Variants in CASS4 observed in about 807,000 individuals in gnomAD.
CASS4 encodes the protein Cas scaffold protein family member 4.
A neutral mutation model predicts 54.2 loss-of-function variants in CASS4; 22 were observed. The observed-to-expected ratio is 0.41, with a 90% confidence interval of 0.29 to 0.58. The LOEUF (loss-of-function observed/expected upper bound fraction) is 0.58, where lower values mean the gene tolerates loss of function less well. Ranked by LOEUF, CASS4 falls within the 20% of genes least tolerant of loss-of-function variation. The pLI is 0.36. For missense variants in CASS4, 854 were observed against 986.7 expected (o/e 0.87, Z 1.80); for synonymous variants, 409 against 391.5 (o/e 1.04, Z -0.53).
At chr20:56,441,084 G>A (rs528335328) in intron 2 of CASS4, among the ~76,000 whole-genome samples, 2 of 151,216 alleles carry the variant, frequency 1.3e-5, no homozygotes, top group African/African-American at 4.9e-5. Flanking sequence ...TGCCTCCTGG[G>A]TTCAAGAGAT....
chr20:56,429,519 A>G (rs1023635363), intron 1 of CASS4, among the ~76,000 whole-genome samples: 2 of 152,184 alleles, frequency 1.3e-5, no homozygotes, highest in East Asian at 3.9e-4. Context: ...AGCATCCGCT[A>G]TGGAAATTAG....
At chr20:56,434,790 T>C (rs1980076766) in intron 1 of CASS4, among the ~76,000 whole-genome samples, 1 of 152,228 alleles carries the variant, frequency 6.6e-6, no homozygotes, top group East Asian at 1.9e-4. Flanking sequence ...TATAAAATTG[T>C]GTGTTTCATA....
chr20:56,451,864 G>T lies in CASS4; in HGVS notation c.688G>T (p.Gly230Cys), dbSNP rs146617358. Residue 230 changes from glycine to cysteine, a missense_variant, in exon 5 of 6, where the codon GGT (glycine) becomes TGT (cysteine). Transcript: ENST00000679887. ...LISVTTLRRG[G>C]YSTLPNPQKS... Reference sequence around the variant, plus strand: ...ATCAGTGACTACCTTAAGAAGAGGCGGTTACAGCACATTACCAAATCCTCA... The same window carrying T: ...ATCAGTGACTACCTTAAGAAGAGGCTGTTACAGCACATTACCAAATCCTCA... 1 of 1,612,614 alleles carries T rather than the reference G, an allele frequency of 6.2e-7. No individual in the cohort carries two copies. Among genetic ancestry groups the T allele is most frequent in the South Asian group, 1.1e-5 (1 of 91,070 alleles).
At position 56,414,815 on chromosome 20, in the gene CASS4, T is replaced by A. The variant is rs1371334110; in HGVS notation, c.36+2321T>A. Among the ~76,000 whole-genome samples the A allele has an allele frequency of 6.6e-6, 1 of 152,048 alleles. No homozygotes were observed. The highest frequency in any genetic ancestry group is 1.5e-5 in the Non-Finnish European group (1 of 68,024). ...CAAAAAAATTAGCTGGGCATAGTGG[T>A]GCACGTCTGTATTCCCAGCTACTCG... On this transcript the variant is annotated intron_variant, in intron 1 of 5. Coordinates refer to ENST00000679887, the MANE Select transcript of CASS4 (RefSeq NM_020356.4). This position sits in a 1 kb window ranked among gnomAD's most constrained non-coding sequence, Gnocchi z 4.1.
Position 56,452,166 on chromosome 20 carries a change from G to A in CASS4, c.990G>A (p.Lys330=), listed in dbSNP as rs1401145062. 3 of 1,614,060 alleles carry A rather than the reference G, an allele frequency of 1.9e-6. No individual in the cohort carries two copies. The highest frequency in any genetic ancestry group is 2.5e-6 in the Non-Finnish European group (3 of 1,180,050). The change falls in exon 5 of 6, where the codon AAG becomes AAA. Residue 330 remains lysine, a synonymous_variant. Coordinates refer to ENST00000679887, the MANE Select transcript of CASS4 (RefSeq NM_020356.4). ...TFPLDEDVSY[K]VPSSFLIPRV... ...CTTTGGATGAAGATGTCAGCTACAA[G>A]GTTCCTTCAAGCTTTCTGATTCCCC...
At position 56,459,529 on chromosome 20, in the gene CASS4, G is replaced by T; in HGVS notation, c.*782G>T. 4.2e-6 allele frequency: 1 copy of T among 240,430 alleles called. No homozygotes were observed. Among genetic ancestry groups the T allele is most frequent in the Non-Finnish European group, 9.2e-6 (1 of 108,642 alleles). 14.9% of individuals were successfully genotyped at this position (240,430 alleles called of 1,614,324 possible). On this transcript the variant is annotated 3_prime_UTR_variant, in exon 6 of 6. Coordinates refer to ENST00000679887, the MANE Select transcript of CASS4 (RefSeq NM_020356.4). ...ATCCACTGGGGAGTGGGGCGATTTT[G>T]TTTTAATTTCTCGGTCAGGAATCAC...
intron 2 of CASS4, 76 bp from the exon 3 acceptor site, chr20:56,445,824 A>C: frequency 8.5e-7 from 1 of 1,170,360 alleles, no homozygotes; most frequent in Non-Finnish European, 1.3e-6. Flanking sequence ...CTGCTTTTGG[A>C]GAGATGACTT....
At chr20:56,446,790 C>G (rs533409124) in intron 3 of CASS4, among the ~76,000 whole-genome samples, 5 of 152,044 alleles carry the variant, frequency 3.3e-5, no homozygotes, top group African/African-American at 1.2e-4. Flanking sequence ...TAGATGGGGC[C>G]CAAACATCAG....
In CASS4 at chr20:56,452,210, C is replaced by G. The variant is rs768228596; in HGVS notation, c.1034C>G (p.Thr345Ser). 8.1e-6 allele frequency: 13 copies of G among 1,614,044 alleles called. No homozygotes were observed. The South Asian group carries it at 1.1e-4, about 14-fold the overall frequency. Residue 345 changes from threonine to serine, a missense_variant, in exon 5 of 6, where the codon ACC becomes AGC. Physicochemically the swap from Thr to Ser is moderately conservative, Grantham distance 58. Coordinates refer to ENST00000679887, the MANE Select transcript of CASS4 (RefSeq NM_020356.4). The part of the protein sequence containing the change: ...FLIPRVEQQN[T>S]KPNIYDIPKA... ...ATTCCCCGAGTGGAACAGCAGAACA[C>G]CAAGCCCAATATTTATGACATCCCT...
At chr20:56,412,080 T>C, upstream of CASS4, 1 of 306,632 alleles carries the variant, frequency 3.3e-6, no homozygotes, top group Non-Finnish European at 6.3e-6. This position sits in a 1 kb window ranked among gnomAD's most constrained non-coding sequence, Gnocchi z 4.2. Context: ...TACACTGAGC[T>C]CTTCGAAGTA....
At chr20:56,443,366 G>A (rs1980550889) in intron 2 of CASS4, among the ~76,000 whole-genome samples, 1 of 151,068 alleles carries the variant, frequency 6.6e-6, no homozygotes, top group African/African-American at 2.5e-5. Context: ...CTACTCGGGA[G>A]GCTGAGGCAG....
At chr20:56,442,219 C>A (rs1980494984) in intron 2 of CASS4, among the ~76,000 whole-genome samples, 2 of 151,778 alleles carry the variant, frequency 1.3e-5, no homozygotes, top group African/African-American at 4.9e-5. Flanking sequence ...TCATTTTTCT[C>A]AAGTTGTCCT....
intron 2 of CASS4, among the ~76,000 whole-genome samples, chr20:56,438,217 G>A (rs1005050065): frequency 1.8e-4 from 28 of 151,990 alleles, no homozygotes; most frequent in African/African-American, 6.5e-4. Context: ...TTGAGCCCAG[G>A]AAGTCGAGGC....
intron 3 of CASS4, among the ~76,000 whole-genome samples, chr20:56,446,750 C>T (rs1980734487): frequency 6.6e-6 from 1 of 152,096 alleles, no homozygotes; most frequent in Non-Finnish European, 1.5e-5. Context: ...GGTGCCTGTG[C>T]CCCAACCCCA....
intron 1 of CASS4, among the ~76,000 whole-genome samples, chr20:56,428,170 A>G (rs1414715408): frequency 6.6e-6 from 1 of 152,206 alleles, no homozygotes; most frequent in Non-Finnish European, 1.5e-5. Flanking sequence ...ACTATCCCAT[A>G]GTTACTACTG....
chr20:56,418,273 G>A (rs1445675334), intron 1 of CASS4, among the ~76,000 whole-genome samples: 1 of 152,214 alleles, frequency 6.6e-6, no homozygotes, highest in Non-Finnish European at 1.5e-5. Context: ...CAGATGCCAA[G>A]GGCCTGCAGT....
chr20:56,417,401 G>A (rs1017625807), intron 1 of CASS4, among the ~76,000 whole-genome samples: 4 of 152,146 alleles, frequency 2.6e-5, no homozygotes, highest in African/African-American at 9.6e-5. Context: ...AGCAAGCATC[G>A]CCTCACCCAG....
At chr20:56,417,714 G>A (rs920665707) in intron 1 of CASS4, among the ~76,000 whole-genome samples, 31 of 152,168 alleles carry the variant, frequency 2.0e-4, no homozygotes, top group African/African-American at 7.0e-4. Flanking sequence ...CTGCAGCCCC[G>A]CTGTGAGGAT....
At position 56,452,602 on chromosome 20, in the gene CASS4, A is replaced by G. The variant is rs2146296667; in HGVS notation, c.1426A>G (p.Ile476Val). The G allele has an allele frequency of 6.2e-7, 1 of 1,614,176 alleles. No individual in the cohort carries two copies. ...WRFRDYLEANIDAIHRSTDHI... is the reference protein window; with the variant it reads ...WRFRDYLEANVDAIHRSTDHI... ...ATTCCGAGACTATCTGGAGGCCAAC[A>G]TTGATGCAATCCACAGGTCCACTGA... The change falls in exon 5 of 6, where the codon ATT becomes GTT. Residue 476 changes from isoleucine to valine, a missense_variant. Coordinates refer to ENST00000679887, the MANE Select transcript of CASS4 (RefSeq NM_020356.4).
Sources: allele counts gnomAD v4.1 joint callset (sites outside exome capture counted in the v4.1 genomes callset), GRCh38; gene constraint gnomAD v4.1.1; non-coding constraint Gnocchi (gnomAD v3.1); transcripts MANE v1.5; gene names NCBI Gene and HGNC (gene_info 2026-07-23, HGNC 2026-07-21).